The following BRAP variants were observed in gnomAD, a reference collection of about 807,000 sequenced individuals.
BRAP encodes BRCA1-associated protein.
A neutral mutation model predicts 73.4 loss-of-function variants in BRAP; 42 were observed. The observed-to-expected ratio is 0.57, with a 90% CI of 0.45 to 0.74. The LOEUF (loss-of-function observed/expected upper bound fraction) is 0.74, where lower values mean the gene tolerates loss of function less well. Ranked by LOEUF, BRAP falls within the 30% of genes least tolerant of loss-of-function variation. BRAP has a pLI of 0.00. For synonymous variants in BRAP, 255 were observed against 267.4 expected (o/e 0.95, Z 0.45); for missense variants, 593 against 751.4 (o/e 0.79, Z 2.46).
chr12:111,680,818 A>G (rs1475841522), intron 3 of BRAP, among the ~76,000 whole-genome samples: 1 of 152,258 alleles, frequency 6.6e-6, no homozygotes, highest in Non-Finnish European at 1.5e-5. Context: ...TTAAGGTATC[A>G]GCTACCATTA....
chr12:111,672,601 C>T, intron 5 of BRAP, 60 bp downstream of exon 5: 1 of 1,441,264 alleles, frequency 6.9e-7, no homozygotes, highest in Non-Finnish European at 9.6e-7. Context: ...GATACCTTAG[C>T]ATTCAATTTT....
intron 4 of BRAP, among the ~76,000 whole-genome samples, chr12:111,677,208 C>T (rs974808240): frequency 5.3e-5 from 8 of 152,184 alleles, no homozygotes; most frequent in Non-Finnish European, 7.3e-5. Context: ...TGGATTTATA[C>T]GACTTCAGAC....
At chr12:111,650,411 G>A (rs1886272590) in intron 10 of BRAP, among the ~76,000 whole-genome samples, 1 of 152,158 alleles carries the variant, frequency 6.6e-6, no homozygotes, top group African/African-American at 2.4e-5. Flanking sequence ...GACTACAGGT[G>A]CCTGCCACCA....
At chr12:111,663,811 C>T (rs1886839317) in intron 6 of BRAP, among the ~76,000 whole-genome samples, 1 of 152,200 alleles carries the variant, frequency 6.6e-6, no homozygotes, top group Non-Finnish European at 1.5e-5. Flanking sequence ...AAATGAACTG[C>T]ATGATTCTGA....
At chr12:111,667,773 CT>C (rs1887011957) in intron 5 of BRAP, among the ~76,000 whole-genome samples, 1 of 148,678 alleles carries the variant, frequency 6.7e-6, no homozygotes. Flanking sequence ...ATATACAAAT[CT>C]CACAAAGTAT....
chr12:111,645,324 C>A (rs938979903), intron 11 of BRAP, among the ~76,000 whole-genome samples: 2 of 152,162 alleles, frequency 1.3e-5, no homozygotes, highest in East Asian at 3.8e-4. Flanking sequence ...ACCTTGGCCT[C>A]CCAAAGTGCT....
chr12:111,674,207 T>C (rs968916618), intron 4 of BRAP, among the ~76,000 whole-genome samples: 9 of 152,060 alleles, frequency 5.9e-5, no homozygotes, highest in African/African-American at 2.2e-4. Context: ...TCCCCTCTAA[T>C]GAGGTAATTG....
At chr12:111,670,028 AC>A (rs1887108358) in intron 5 of BRAP, 5 of 637,100 alleles carry the variant, frequency 7.8e-6, no homozygotes, top group Non-Finnish European at 1.5e-5. Flanking sequence ...CCTCTGGTTC[AC>A]TATCTTCATC....
intron 10 of BRAP, among the ~76,000 whole-genome samples, chr12:111,653,658 A>G (rs1886407328): frequency 6.6e-6 from 1 of 152,108 alleles, no homozygotes; most frequent in African/African-American, 2.4e-5. Flanking sequence ...CCTCCACATC[A>G]ACAGAAGGCC....
In BRAP at chr12:111,644,373, G is replaced by C; in HGVS notation, c.1605C>G (p.Asp535Glu). Residue 535 changes from aspartate (D) to glutamate (E), a missense_variant, in exon 12 of 12, where the codon GAC becomes GAG. Physicochemically the swap from Asp to Glu is conservative, Grantham distance 45. Around this residue, in one of 4 missense-constraint regions of BRAP, gnomAD observed 143 missense variants for 190.4 expected, o/e 0.75. Coordinates refer to ENST00000419234, the MANE Select transcript of BRAP (RefSeq NM_006768.5). ...GCTGTGTCTCCAGGTAGAACATGAC[G>C]TCACGCAGCTGCTCCTGGATCTCGG... ...QITEIQEQLRDVMFYLETQQK... is the reference protein window; with the variant it reads ...QITEIQEQLREVMFYLETQQK... 6.2e-7 allele frequency: 1 copy of C among 1,613,840 alleles called. No homozygotes were observed. Among genetic ancestry groups the C allele is most frequent in the Non-Finnish European group, 8.5e-7 (1 of 1,179,972 alleles).
intron 10 of BRAP, among the ~76,000 whole-genome samples, chr12:111,653,541 G>C (rs1471947397): frequency 6.6e-6 from 1 of 152,096 alleles, no homozygotes; most frequent in Non-Finnish European, 1.5e-5. Flanking sequence ...TTCTAGAATA[G>C]GCTGTGCTCA....
At position 111,685,565 on chromosome 12, in the gene BRAP, GGAAA is replaced by G. The variant is rs1887789449; in HGVS notation, c.82+142_82+145del. The G allele has an allele frequency of 2.2e-6, 3 of 1,362,022 alleles. No individual in the cohort carries two copies. The South Asian group carries it at 5.0e-5, about 23-fold the overall frequency. 84.4% of individuals were successfully genotyped at this position (1,362,022 alleles called of 1,614,324 possible). ...CGGGAAGGCCTCTCAAAGGCGGATG[GGAAA>G]GAGAGGGATCCCGATTACCTCTCCG... is the stretch of plus-strand genomic sequence containing the variant. On this transcript the variant is annotated intron_variant, in intron 1 of 11. Transcript: ENST00000419234.
chr12:111,685,238 TACAATAC>T (rs1887767008), intron 1 of BRAP, among the ~76,000 whole-genome samples: 1 of 152,216 alleles, frequency 6.6e-6, no homozygotes, highest in Admixed American at 6.5e-5. Flanking sequence ...AATTAAAGAA[TACAATAC>T]ACAAAAGGTG....
intron 1 of BRAP, among the ~76,000 whole-genome samples, chr12:111,684,586 G>T (rs1887727911): frequency 6.6e-6 from 1 of 151,898 alleles, no homozygotes. Context: ...TTTCCTCCAT[G>T]ATACTGCTGG....
At chr12:111,683,434 G>C in intron 1 of BRAP, 127 bp from the exon 2 acceptor site, 1 of 1,091,528 alleles carries the variant, frequency 9.2e-7, no homozygotes, top group Non-Finnish European at 1.3e-6. Context: ...AGCCTTTGTA[G>C]TATCCATCTC....
At chr12:111,659,903 C>CAA (rs1886680907) in intron 7 of BRAP, among the ~76,000 whole-genome samples, 1 of 151,578 alleles carries the variant, frequency 6.6e-6, no homozygotes, top group African/African-American at 2.4e-5. Flanking sequence ...TTAGAAAAAA[C>CAA]AAAAACAAAA....
At chr12:111,676,277 GA>G (rs1225452264) in intron 4 of BRAP, among the ~76,000 whole-genome samples, 5 of 152,152 alleles carry the variant, frequency 3.3e-5, no homozygotes, top group Admixed American at 2.6e-4. Flanking sequence ...CTGTGGTGAG[GA>G]AAAGAATAAA....
chr12:111,646,636 G>GGTAGCGTGTGCCTGTAATTA (rs368795626), intron 11 of BRAP, among the ~76,000 whole-genome samples: 21 of 152,238 alleles, frequency 1.4e-4, no homozygotes, highest in African/African-American at 4.6e-4. Context: ...AGCCGGGTGT[G>GGTAGCGTGTGCCTGTAATTA]GTAGCGTGTG....
chr12:111,679,259 A>G lies in BRAP; in HGVS notation c.525T>C (p.His175=), dbSNP rs768360346. ...ILTVPAAMTS[H]DLMKFVAPFN... is the part of the protein sequence containing the mutation. ...ATGGGGCAACAAACTTCATAAGGTC[A>G]TGACTGGTCATTGCAGCAGGGACTG... Residue 175 remains histidine, a synonymous_variant, in exon 4 of 12, where the codon CAT becomes CAC. Coordinates refer to ENST00000419234, the MANE Select transcript of BRAP (RefSeq NM_006768.5). 2 of 1,611,898 alleles carry G rather than the reference A, an allele frequency of 1.2e-6. No individual in the cohort carries two copies.
Sources: gnomAD v4.1 joint callset for allele counts (sites outside exome capture counted in the v4.1 genomes callset) on GRCh38, gnomAD v4.1.1 for gene constraint, gnomAD v4.1.1 regional missense constraint, MANE v1.5 for transcripts, NCBI Gene and HGNC (gene_info 2026-07-23, HGNC 2026-07-21) for gene names.